The following PHF20 variants were observed in gnomAD, a reference collection of about 807,000 sequenced individuals.
PHF20 encodes the protein PHD finger protein 20.
A neutral mutation model predicts 113.5 loss-of-function variants in PHF20; 23 were observed. The observed-to-expected ratio is 0.20, with a 90% confidence interval of 0.15 to 0.29. The LOEUF (loss-of-function observed/expected upper bound fraction) is 0.29. Among genes scored for constraint, PHF20 ranks in the 10% least tolerant of loss-of-function variants. The pLI, the probability that PHF20 is intolerant of heterozygous loss-of-function variation, is 1.00. For missense variants in PHF20, 943 were observed against 1,219.6 expected, an observed-to-expected ratio of 0.77 and a Z score of 3.38; for synonymous variants, 434 against 457.3, an observed-to-expected ratio of 0.95 and a Z score of 0.65.
intron 4 of PHF20, among the ~76,000 whole-genome samples, chr20:35,852,722 C>G (rs569710139): frequency 6.6e-6 from 1 of 151,626 alleles, no homozygotes; most frequent in African/African-American, 2.4e-5. Context: ...TGTCAGCCTC[C>G]CGAGTAGCTG....
rs766919613 is a variant in PHF20, at chr20:35,950,316, A to C, written c.*2689A>C. The C allele has an allele frequency of 6.6e-6, 1 of 152,652 alleles. No individual in the cohort carries two copies. Among genetic ancestry groups the C allele is most frequent in the South Asian group, 2.1e-4 (1 of 4,832 alleles). The allele number at this position is 152,652 out of a possible 1,614,324, so 9.5% of individuals were successfully genotyped here. On this transcript the variant is annotated 3_prime_UTR_variant, in exon 18 of 18. Coordinates refer to ENST00000374012, the MANE Select transcript of PHF20 (RefSeq NM_016436.5). ...GTTGCTTTGAAGCAATATTTGCAAAACACGCAGACTTCTGTATCTGTATTT... is the reference window on the plus strand; with the variant it reads ...GTTGCTTTGAAGCAATATTTGCAAACCACGCAGACTTCTGTATCTGTATTT...
chr20:35,790,641 GAGGTCCAA>G (rs778279595), intron 1 of PHF20, among the ~76,000 whole-genome samples: 5 of 152,196 alleles, frequency 3.3e-5, no homozygotes, highest in Admixed American at 6.6e-5. Context: ...TGGTGGGGCT[GAGGTCCAA>G]ACTCAGGCAC....
chr20:35,875,269 A>G (rs935972605), intron 9 of PHF20, among the ~76,000 whole-genome samples: 2 of 151,970 alleles, frequency 1.3e-5, no homozygotes, highest in Non-Finnish European at 2.9e-5. Context: ...TTGGTGGCGC[A>G]CGCCTGTAGT....
chr20:35,850,793 T>C (rs940286519), intron 4 of PHF20: 2 of 782,294 alleles, frequency 2.6e-6, no homozygotes, highest in Non-Finnish European at 4.3e-6. Flanking sequence ...CACTAGCTAA[T>C]ACAGTATTAC....
chr20:35,812,304 C>T (rs1282524731), intron 2 of PHF20, among the ~76,000 whole-genome samples: 1 of 151,834 alleles, frequency 6.6e-6, no homozygotes, highest in Non-Finnish European at 1.5e-5. Context: ...TTTTATGTCT[C>T]TTTAGTTGCT....
At position 35,827,915 on chromosome 20, in the gene PHF20, T is replaced by C. The variant is rs551411665; in HGVS notation, c.84-14658T>C. Among the ~76,000 whole-genome samples the C allele has an allele frequency of 3.3e-5, 5 of 152,310 alleles. No individual in the cohort carries two copies. In the East Asian group the frequency reaches 9.6e-4, roughly 29 times the overall value. On this transcript the variant is annotated intron_variant, in intron 2 of 17. Transcript: ENST00000374012. ...TTCCATGAATGTAAAAAGGGGGCAG[T>C]AATAATAATGACTCCTTAAGTCTTC...
At chr20:35,815,983 G>T (rs760618522) in intron 2 of PHF20, among the ~76,000 whole-genome samples, 13 of 152,016 alleles carry the variant, frequency 8.6e-5, no homozygotes, top group Non-Finnish European at 1.5e-4. Flanking sequence ...TTGAGATGGA[G>T]ACCCGCTCAG....
At chr20:35,819,731 C>A (rs942107713) in intron 2 of PHF20, among the ~76,000 whole-genome samples, 1 of 151,698 alleles carries the variant, frequency 6.6e-6, no homozygotes, top group African/African-American at 2.4e-5. Flanking sequence ...TGCTGTGAGT[C>A]AGGTGGTACA....
Position 35,917,596 on chromosome 20 carries a change from C to T in PHF20, c.1938C>T (p.Asp646=), listed in dbSNP as rs754568531. ...CAGATGAGGAACTTGATGGGGATGA[C>T]CGCTATGACTTCGAGGTGGTCCGCT... ...TNPDEELDGD[D]RYDFEVVRCI... is the part of the protein sequence containing the mutation. Residue 646 remains aspartate, a synonymous_variant, in exon 13 of 18, where the codon GAC becomes GAT. Transcript: ENST00000374012. 1.2e-6 allele frequency: 2 copies of T among 1,614,034 alleles called. No homozygotes were observed. Among genetic ancestry groups the T allele is most frequent in the Non-Finnish European group, 1.7e-6 (2 of 1,180,002 alleles).
At chr20:35,824,647 A>G (rs914606772) in intron 2 of PHF20, among the ~76,000 whole-genome samples, 2 of 152,140 alleles carry the variant, frequency 1.3e-5, no homozygotes, top group Non-Finnish European at 2.9e-5. Flanking sequence ...ATACAATTCA[A>G]TAATTCAATG....
At chr20:35,803,469 A>G (rs2041822988) in intron 2 of PHF20, among the ~76,000 whole-genome samples, 1 of 151,000 alleles carries the variant, frequency 6.6e-6, no homozygotes, top group African/African-American at 2.4e-5. Flanking sequence ...GATTACAGGC[A>G]TGCACCACGA....
chr20:35,934,794 A>G (rs535158857), intron 15 of PHF20, among the ~76,000 whole-genome samples: 2 of 152,374 alleles, frequency 1.3e-5, no homozygotes, highest in South Asian at 4.1e-4. Context: ...TTGCTGTGGC[A>G]GAATCTGTTG....
At chr20:35,797,383 A>G (rs912948362) in intron 1 of PHF20, among the ~76,000 whole-genome samples, 1 of 151,446 alleles carries the variant, frequency 6.6e-6, no homozygotes, top group African/African-American at 2.4e-5. Context: ...CAGTAGTGGC[A>G]TATGCCTGTA....
chr20:35,811,668 G>A (rs1040751587), intron 2 of PHF20, among the ~76,000 whole-genome samples: 1 of 151,878 alleles, frequency 6.6e-6, no homozygotes, highest in Non-Finnish European at 1.5e-5. Context: ...GAGAACTCCT[G>A]GCCTCAGGTG....
At chr20:35,875,503 C>T (rs375291747) in intron 9 of PHF20, among the ~76,000 whole-genome samples, 1 of 152,116 alleles carries the variant, frequency 6.6e-6, no homozygotes, top group African/African-American at 2.4e-5. Context: ...TAGTGTTGTG[C>T]TTCAGCCTCG....
intron 10 of PHF20, among the ~76,000 whole-genome samples, chr20:35,912,859 A>T (rs932175156): frequency 2.0e-5 from 3 of 152,172 alleles, no homozygotes; most frequent in African/African-American, 7.2e-5. Context: ...TGATTCCAGT[A>T]TGTAGCCAGG....
chr20:35,801,705 C>A (rs2041784858), intron 2 of PHF20, 100 bp downstream of exon 2: 1 of 695,624 alleles, frequency 1.4e-6, no homozygotes, highest in East Asian at 2.7e-5. Context: ...TGTTTTTCTA[C>A]TTCCTGACTC....
intron 5 of PHF20, among the ~76,000 whole-genome samples, chr20:35,860,080 G>A (rs994220418): frequency 6.6e-6 from 1 of 151,956 alleles, no homozygotes; most frequent in African/African-American, 2.4e-5. Context: ...CACTACGCCT[G>A]GCTAATTTTT....
At chr20:35,914,737 G>A (rs1028493591) in intron 12 of PHF20, among the ~76,000 whole-genome samples, 2 of 152,002 alleles carry the variant, frequency 1.3e-5, no homozygotes, top group Non-Finnish European at 2.9e-5. Flanking sequence ...GGTGAGGCAG[G>A]TGGGTCACTT....
Sources: gnomAD v4.1 joint callset for allele counts (sites outside exome capture counted in the v4.1 genomes callset) on GRCh38, gnomAD v4.1.1 for gene constraint, MANE v1.5 for transcripts, NCBI Gene and HGNC (gene_info 2026-07-23, HGNC 2026-07-21) for gene names.